Variants in EPG5 observed in about 807,000 individuals in gnomAD.
The protein encoded by EPG5 is ectopic P granules protein 5 homolog.
EPG5 carries 159 observed loss-of-function variants against 302.7 expected under a neutral mutation model. The ratio of observed to expected loss-of-function variants is 0.53; its 90% CI spans 0.46 to 0.60. The LOEUF is 0.60. EPG5 is among the 20% of genes least tolerant of loss of function. The pLI is 0.00. For synonymous variants in EPG5, 1,158 were observed against 1,136.8 expected (o/e 1.02, Z -0.37); for missense variants, 2,896 against 3,092.4 (o/e 0.94, Z 1.51).
At chr18:45,854,445 G>A (rs891161558) in intron 43 of EPG5, among the ~76,000 whole-genome samples, 1 of 152,326 alleles carries the variant, frequency 6.6e-6, no homozygotes, top group East Asian at 1.9e-4. Context: ...AATGGGAGAG[G>A]CCTGGAGCCA....
At chr18:45,934,994 TATTA>T in intron 10 of EPG5, 28 bp from the exon 11 acceptor site, 4 of 1,581,172 alleles carry the variant, frequency 2.5e-6, no homozygotes, top group African/African-American at 1.4e-5. Context: ...TCATTTTATT[TATTA>T]ATCAGCTTCA....
At chr18:45,829,226 G>C in the EPG5 span, 1 of 907,736 alleles carries the variant, frequency 1.1e-6, no homozygotes, top group Non-Finnish European at 1.3e-6. Flanking sequence ...CTGCGGCAGA[G>C]GCATGGGTTA....
Position 45,916,208 on chromosome 18 carries a change from T to C in EPG5, c.3385-2A>G. ...CTGAGTGCTTACAGATATGTGTGCCTGTGGAGAAAAGGCTCATGTGATGGG... is the reference window on the plus strand; with the variant it reads ...CTGAGTGCTTACAGATATGTGTGCCCGTGGAGAAAAGGCTCATGTGATGGG... On this transcript the variant is annotated splice_acceptor_variant, in intron 18 of 43. Coordinates refer to ENST00000282041, the MANE Select transcript of EPG5 (RefSeq NM_020964.3). LOFTEE classifies it high-confidence loss of function. The C allele has an allele frequency of 6.2e-7, 1 of 1,604,548 alleles. No individual in the cohort carries two copies. Among genetic ancestry groups the C allele is most frequent in the Non-Finnish European group, 8.5e-7 (1 of 1,177,180 alleles).
chr18:45,858,048 T>C lies in EPG5; in HGVS notation c.7247A>G (p.Lys2416Arg). Residue 2416 changes from lysine (K) to arginine (R), a missense_variant, in exon 42 of 44, where the codon AAG (lysine) becomes AGG (arginine). By Grantham distance (26) the Lys-to-Arg change is conservative. Around this residue, in one of 5 missense-constraint regions of EPG5, gnomAD observed 620 missense variants for 704.2 expected, o/e 0.88. Transcript: ENST00000282041. ...VYPSSVEEEA[K>R]LFLWWHQVLQ... Reference sequence around the variant, plus strand: ...GACTTGGTGCCACCACAAAAACAGCTTTGCCTCTTCCTCCACGGAGCTAGG... The same window carrying C: ...GACTTGGTGCCACCACAAAAACAGCCTTGCCTCTTCCTCCACGGAGCTAGG... 1 of 1,613,520 alleles carries C rather than the reference T, an allele frequency of 6.2e-7. No individual in the cohort carries two copies. The highest frequency in any genetic ancestry group is 1.3e-5 in the African/African-American group (1 of 75,036).
chr18:45,841,166 C>G, the EPG5 span: 1 of 152,266 alleles, frequency 6.6e-6, no homozygotes, highest in Non-Finnish European at 1.5e-5. Flanking sequence ...GGGGAGGGGG[C>G]CCGCTGCTGG....
chr18:45,967,038 G>T, intron 1 of EPG5, 139 bp downstream of exon 1: 2 of 763,792 alleles, frequency 2.6e-6, no homozygotes, highest in Non-Finnish European at 2.1e-6. Context: ...ACGGGTGGTG[G>T]GATCAAATAT....
At chr18:45,896,911 T>C (rs188784816) in intron 27 of EPG5, among the ~76,000 whole-genome samples, 63 of 152,344 alleles carry the variant, frequency 4.1e-4, no homozygotes, top group Non-Finnish European at 6.8e-4. Flanking sequence ...ATCTAAGCCA[T>C]GTTCACATCA....
intron 9 of EPG5, among the ~76,000 whole-genome samples, 188 bp from the exon 10 acceptor site, chr18:45,939,943 G>A (rs767417317): frequency 6.6e-6 from 1 of 152,132 alleles, no homozygotes; most frequent in Non-Finnish European, 1.5e-5. Flanking sequence ...CTTACATTTA[G>A]TGAAGGGCAA....
intron 1 of EPG5, among the ~76,000 whole-genome samples, chr18:45,962,592 T>C (rs150130080): frequency 2.5e-3 from 385 of 152,290 alleles, no homozygotes; most frequent in Non-Finnish European, 3.7e-3. Flanking sequence ...ACCACATACC[T>C]AACCACAACC....
chr18:45,923,872 T>C (rs1393313791), intron 14 of EPG5, among the ~76,000 whole-genome samples: 3 of 151,900 alleles, frequency 2.0e-5, no homozygotes, highest in Admixed American at 1.3e-4. Flanking sequence ...CTACTAAAAA[T>C]ACAAAATTAG....
At chr18:45,911,058 T>C (rs2145670058) in intron 22 of EPG5, among the ~76,000 whole-genome samples, 1 of 146,366 alleles carries the variant, frequency 6.8e-6, no homozygotes, top group South Asian at 2.2e-4. Flanking sequence ...TAAGAATCTA[T>C]CTATCTATCT....
At chr18:45,846,627 A>G (rs1046070802), downstream of EPG5, among the ~76,000 whole-genome samples, 6 of 151,938 alleles carry the variant, frequency 3.9e-5, no homozygotes, top group African/African-American at 1.5e-4. Context: ...CCCAGGGAGG[A>G]AAGAGATCTT....
chr18:45,857,742 A>G, intron 42 of EPG5, 111 bp downstream of exon 42: 1 of 641,246 alleles, frequency 1.6e-6, no homozygotes, highest in Admixed American at 2.6e-5. Flanking sequence ...ATCTTTCTGG[A>G]GAACCTAGAT....
chr18:45,965,060 G>A (rs373689243), intron 1 of EPG5, among the ~76,000 whole-genome samples: 2 of 152,214 alleles, frequency 1.3e-5, no homozygotes, highest in African/African-American at 2.4e-5. Flanking sequence ...CACTACAGCC[G>A]TTTAAAAAGT....
chr18:45,885,078 C>T (rs2049188604), intron 29 of EPG5, among the ~76,000 whole-genome samples: 1 of 152,212 alleles, frequency 6.6e-6, no homozygotes, highest in Non-Finnish European at 1.5e-5. Context: ...GTTGCTCACG[C>T]TTGTAATCCC....
intron 1 of EPG5, among the ~76,000 whole-genome samples, chr18:45,966,425 T>C (rs1256984481): frequency 1.3e-5 from 2 of 151,880 alleles, no homozygotes; most frequent in Non-Finnish European, 2.9e-5. Flanking sequence ...CACACATATG[T>C]ATATATGTAC....
In EPG5 at chr18:45,879,143, G is replaced by A; in HGVS notation, c.5739C>T (p.Ser1913=). 6.2e-7 allele frequency: 1 copy of A among 1,614,024 alleles called. No homozygotes were observed. The highest frequency in any genetic ancestry group is 1.3e-5 in the African/African-American group (1 of 75,030). Reference sequence around the variant, plus strand: ...GACTCCATTTTGAGAATAAACCAAAGCTTTTAAAGTCCATCTTGGATAACC... The same window carrying A: ...GACTCCATTTTGAGAATAAACCAAAACTTTTAAAGTCCATCTTGGATAACC... ...KLRLSKMDFK[S]FGLFSKWSPY... is the part of the protein sequence containing the mutation. The change falls in exon 33 of 44, where the codon AGC becomes AGT. Residue 1913 remains serine (S), a synonymous_variant. Transcript: ENST00000282041.
intron 27 of EPG5, 78 bp downstream of exon 27, chr18:45,899,326 T>C: frequency 6.5e-7 from 1 of 1,541,800 alleles, no homozygotes; most frequent in Non-Finnish European, 8.9e-7. Flanking sequence ...TATATGTCTT[T>C]CAATCTTTCT....
chr18:45,935,247 A>G (rs2050493648), intron 10 of EPG5, among the ~76,000 whole-genome samples: 1 of 152,220 alleles, frequency 6.6e-6, no homozygotes, highest in East Asian at 1.9e-4. Flanking sequence ...AACCAAGACA[A>G]TAATTATGGA....
Sources: gnomAD v4.1 joint callset for allele counts (sites outside exome capture counted in the v4.1 genomes callset) on GRCh38, gnomAD v4.1.1 for gene constraint, gnomAD v4.1.1 regional missense constraint, MANE v1.5 for transcripts, NCBI Gene and HGNC (gene_info 2026-07-23, HGNC 2026-07-21) for gene names.